ORC4: variants seen among roughly 807,000 people sequenced by gnomAD.
ORC4 encodes origin recognition complex, subunit 4 homolog.
ORC4 carries 55 observed loss-of-function variants against 63.9 expected under a neutral mutation model. The observed-to-expected ratio is 0.86, with a 90% confidence interval of 0.69 to 1.08. The LOEUF (loss-of-function observed/expected upper bound fraction) is 1.08, where lower values mean the gene tolerates loss of function less well. ORC4 is among the 50% of genes least tolerant of loss of function. ORC4 has a pLI of 0.00. For missense variants in ORC4, 511 were observed against 504.4 expected, an observed-to-expected ratio of 1.01 and a Z score of -0.13; for synonymous variants, 150 against 168.5, an observed-to-expected ratio of 0.89 and a Z score of 0.85.
intron 4 of ORC4, among the ~76,000 whole-genome samples, chr2:147,970,496 G>A (rs1185033885): frequency 2.6e-5 from 4 of 151,664 alleles, no homozygotes; most frequent in Admixed American, 6.6e-5. Context: ...ACAAAGCAAG[G>A]GAATAGAAAG....
chr2:147,986,137 C>T (rs976009265), intron 1 of ORC4, among the ~76,000 whole-genome samples: 4 of 152,016 alleles, frequency 2.6e-5, no homozygotes, highest in South Asian at 4.1e-4. Flanking sequence ...TTCTTCCCAT[C>T]GCTAAAAAGG....
intron 7 of ORC4, among the ~76,000 whole-genome samples, chr2:147,953,878 G>A (rs1689107115): frequency 6.6e-6 from 1 of 151,838 alleles, no homozygotes; most frequent in Admixed American, 6.6e-5. Flanking sequence ...CTTAATACTG[G>A]TACAAAACCA....
At chr2:148,005,844 C>T (rs1344909190) in intron 1 of ORC4, among the ~76,000 whole-genome samples, 1 of 151,916 alleles carries the variant, frequency 6.6e-6, no homozygotes, top group Admixed American at 6.6e-5. Context: ...GGCATGGTGG[C>T]ATGTGCCTGT....
chr2:148,009,355 CAT>C (rs1368966932), intron 1 of ORC4, among the ~76,000 whole-genome samples: 5 of 151,898 alleles, frequency 3.3e-5, no homozygotes, highest in Non-Finnish European at 7.4e-5. Context: ...ACTATAAAAA[CAT>C]AGACTAACAA....
intron 4 of ORC4, among the ~76,000 whole-genome samples, chr2:147,971,127 A>T: frequency 6.6e-6 from 1 of 152,114 alleles, no homozygotes; most frequent in African/African-American, 2.4e-5. Context: ...AAAGAGCAAG[A>T]CCCTATTCTT....
chr2:147,943,433 A>G lies in ORC4; in HGVS notation c.849+3T>C. ...CAAGCAATAAAACAAAACTAATACAAACCAATAGCATGTGTAATGACCGCA... is the reference window on the plus strand; with the variant it reads ...CAAGCAATAAAACAAAACTAATACAGACCAATAGCATGTGTAATGACCGCA... On this transcript the variant is annotated splice_donor_region_variant and intron_variant, in intron 10 of 13. Coordinates refer to ENST00000392857, the MANE Select transcript of ORC4 (RefSeq NM_181741.4). The G allele has an allele frequency of 6.4e-7, 1 of 1,573,118 alleles. No homozygotes were observed. Among genetic ancestry groups the G allele is most frequent in the Non-Finnish European group, 8.7e-7 (1 of 1,143,034 alleles).
At position 148,015,189 on chromosome 2, in the gene ORC4, GAAAC is replaced by G. The variant is rs1394031217; in HGVS notation, c.-18+5440_-18+5443del. 2.8e-5 allele frequency among the ~76,000 whole-genome samples: 4 copies of G among 143,756 alleles called. No individual in the cohort carries two copies. The East Asian group carries it at 8.2e-4, about 30-fold the overall frequency. 94.3% of individuals were successfully genotyped at this position (143,756 alleles called of 152,430 possible). ...AGCAGAAAAATTACAACCAAAAAAA[GAAAC>G]AAACAAAAAAAAATTCTAAAAGAGA... On this transcript the variant is annotated intron_variant, in intron 1 of 13. Transcript: ENST00000392857.
intron 1 of ORC4, among the ~76,000 whole-genome samples, chr2:148,018,331 A>C (rs558069756): frequency 6.6e-6 from 1 of 152,342 alleles, no homozygotes; most frequent in Admixed American, 6.5e-5. Flanking sequence ...GTAAAAGTAA[A>C]GGGATCTACC....
intron 1 of ORC4, among the ~76,000 whole-genome samples, chr2:147,990,150 G>A (rs1691495391): frequency 6.6e-6 from 1 of 152,092 alleles, no homozygotes; most frequent in Non-Finnish European, 1.5e-5. Flanking sequence ...AACTTCACAC[G>A]GCTGACATTT....
At chr2:148,009,576 TAG>T (rs1319243664) in intron 1 of ORC4, among the ~76,000 whole-genome samples, 1 of 152,158 alleles carries the variant, frequency 6.6e-6, no homozygotes, top group Non-Finnish European at 1.5e-5. Context: ...TCTAGATATA[TAG>T]AGTCAAGTGT....
intron 1 of ORC4, among the ~76,000 whole-genome samples, chr2:148,015,326 T>TG (rs1318890012): frequency 6.9e-6 from 1 of 144,284 alleles, no homozygotes; most frequent in African/African-American, 2.6e-5. Context: ...TTTTTTTTTT[T>TG]TTTTTTGAGA....
chr2:147,973,488 T>C lies in ORC4; in HGVS notation c.94A>G (p.Ser32Gly). The C allele has an allele frequency of 3.1e-6, 5 of 1,606,324 alleles. No individual in the cohort carries two copies. Among genetic ancestry groups the C allele is most frequent in the Non-Finnish European group, 4.3e-6 (5 of 1,173,692 alleles). ...RILRERFCRQ[S>G]PHSNLFGVQV... ...ACTCCAAATAGGTTACTATGTGGAC[T>C]CTGACGACAAAATCTTTCACGTAAA... Residue 32 changes from serine (S) to glycine (G), a missense_variant, in exon 3 of 14, where the codon AGT becomes GGT. Transcript: ENST00000392857.
chr2:147,986,101 C>T (rs1466868801), intron 1 of ORC4, among the ~76,000 whole-genome samples: 2 of 152,116 alleles, frequency 1.3e-5, no homozygotes, highest in East Asian at 1.9e-4. Flanking sequence ...TTTCTGTACA[C>T]ATCTTTATTT....
chr2:147,942,468 A>C (rs1688418614), intron 10 of ORC4, among the ~76,000 whole-genome samples: 2 of 152,132 alleles, frequency 1.3e-5, no homozygotes, highest in Non-Finnish European at 2.9e-5. Flanking sequence ...AAAATAACAT[A>C]ATCAAATATA....
intron 1 of ORC4, among the ~76,000 whole-genome samples, chr2:147,987,395 C>T (rs1487560630): frequency 2.2e-4 from 32 of 143,692 alleles, no homozygotes; most frequent in African/African-American, 7.4e-4. Flanking sequence ...TATATATACA[C>T]ACACACACAC....
intron 1 of ORC4, among the ~76,000 whole-genome samples, chr2:148,001,418 G>A (rs530796968): frequency 3.7e-4 from 57 of 152,152 alleles, no homozygotes; most frequent in African/African-American, 1.3e-3. Flanking sequence ...CTCTCTGCAG[G>A]AGCCCTATAA....
At chr2:147,980,792 T>C (rs913070341) in intron 1 of ORC4, among the ~76,000 whole-genome samples, 2 of 152,208 alleles carry the variant, frequency 1.3e-5, no homozygotes, top group Admixed American at 6.5e-5. Context: ...ATAATCATTA[T>C]GGAAAACAGT....
intron 1 of ORC4, among the ~76,000 whole-genome samples, chr2:148,005,936 C>T (rs897655150): frequency 2.6e-5 from 4 of 152,042 alleles, no homozygotes; most frequent in African/African-American, 4.8e-5. Flanking sequence ...GTTGAGATCA[C>T]GCCATGCACT....
chr2:147,951,065 C>T (rs889596822), intron 8 of ORC4, among the ~76,000 whole-genome samples: 2 of 151,430 alleles, frequency 1.3e-5, no homozygotes, highest in Non-Finnish European at 2.9e-5. Context: ...GATGTTTATA[C>T]TAAAGCCATG....
Sources: allele counts gnomAD v4.1 joint callset (sites outside exome capture counted in the v4.1 genomes callset), GRCh38; gene constraint gnomAD v4.1.1; transcripts MANE v1.5; gene names NCBI Gene and HGNC (gene_info 2026-07-23, HGNC 2026-07-21).